MCTP2: variants seen among roughly 807,000 people sequenced by gnomAD.
MCTP2 encodes multiple C2 and transmembrane domain containing 2.
A neutral mutation model predicts 111.6 loss-of-function variants in MCTP2; 132 were observed. The observed-to-expected ratio is 1.18, with a 90% confidence interval of 1.03 to 1.37. MCTP2 has a LOEUF of 1.37. Among genes scored for constraint, MCTP2 ranks in the 40% most tolerant of loss-of-function variants. MCTP2 has a pLI of 0.00. For synonymous variants in MCTP2, 395 were observed against 387.7 expected (o/e 1.02, Z -0.22); for missense variants, 1,183 against 1,067.9 (o/e 1.11, Z -1.50).
chr15:94,472,047 G>C (rs1245209428), intron 21 of MCTP2, among the ~76,000 whole-genome samples: 2 of 152,192 alleles, frequency 1.3e-5, no homozygotes, highest in Non-Finnish European at 2.9e-5. Context: ...CCTGGTGCTT[G>C]CTTGGTCTGT....
chr15:94,240,443 C>A (rs1424447813), intron 1 of MCTP2, among the ~76,000 whole-genome samples: 1 of 152,132 alleles, frequency 6.6e-6, no homozygotes, highest in East Asian at 1.9e-4. Context: ...AATTATTTCA[C>A]CCCAAGACTT....
At chr15:94,253,280 C>T (rs2072559931) in intron 1 of MCTP2, among the ~76,000 whole-genome samples, 2 of 152,280 alleles carry the variant, frequency 1.3e-5, no homozygotes, top group South Asian at 4.1e-4. Context: ...TATAGTGTGT[C>T]TCAACTTTGA....
At chr15:94,268,571 C>A (rs75994855) in intron 1 of MCTP2, among the ~76,000 whole-genome samples, 222 of 152,196 alleles carry the variant, frequency 1.5e-3, no homozygotes, top group African/African-American at 5.2e-3. Context: ...CTTGTTTTCT[C>A]CCTTGGCTGG....
At chr15:94,350,785 T>C (rs781119079) in intron 8 of MCTP2, among the ~76,000 whole-genome samples, 1 of 152,208 alleles carries the variant, frequency 6.6e-6, no homozygotes, top group Non-Finnish European at 1.5e-5. Flanking sequence ...CTATTGCACA[T>C]GAGCCCAACA....
chr15:94,421,301 TTTGCTTCGTTG>T (rs1334147760), intron 17 of MCTP2, among the ~76,000 whole-genome samples: 1 of 152,184 alleles, frequency 6.6e-6, no homozygotes, highest in African/African-American at 2.4e-5. Context: ...TATTGTGATT[TTTGCTTCGTTG>T]TGGTTGTCTG....
intron 2 of MCTP2, among the ~76,000 whole-genome samples, chr15:94,311,279 G>A (rs561114812): frequency 1.3e-4 from 20 of 150,110 alleles, no homozygotes; most frequent in African/African-American, 5.0e-4. Flanking sequence ...CGCCCACCTT[G>A]GCCTCCCAAA....
intron 1 of MCTP2, among the ~76,000 whole-genome samples, chr15:94,284,855 G>C (rs529592299): frequency 6.6e-6 from 1 of 152,260 alleles, no homozygotes; most frequent in African/African-American, 2.4e-5. Flanking sequence ...ACACTAAAAG[G>C]CCTTTACAAC....
At chr15:94,362,607 C>G (rs188387202) in intron 10 of MCTP2, among the ~76,000 whole-genome samples, 1 of 152,218 alleles carries the variant, frequency 6.6e-6, no homozygotes, top group Non-Finnish European at 1.5e-5. Context: ...TTGACACATT[C>G]ACCATTTTCC....
intron 1 of MCTP2, among the ~76,000 whole-genome samples, chr15:94,261,607 TC>T (rs566214996): frequency 5.6e-4 from 86 of 152,338 alleles, no homozygotes; most frequent in African/African-American, 2.1e-3. Flanking sequence ...GTGTTTAGTT[TC>T]CCTCACACCA....
chr15:94,344,557 T>C (rs1057231972), intron 7 of MCTP2, among the ~76,000 whole-genome samples: 1 of 152,150 alleles, frequency 6.6e-6, no homozygotes, highest in Admixed American at 6.5e-5. Context: ...AAGAGAACAG[T>C]GGTGAAGTTT....
intron 19 of MCTP2, among the ~76,000 whole-genome samples, chr15:94,447,115 A>C (rs764888267): frequency 1.6e-4 from 24 of 152,204 alleles, no homozygotes; most frequent in Non-Finnish European, 3.1e-4. Context: ...TTGATTAGTC[A>C]GTCCCTTCCT....
intron 17 of MCTP2, among the ~76,000 whole-genome samples, chr15:94,408,870 G>T (rs553775433): frequency 4.6e-5 from 7 of 152,284 alleles, no homozygotes; most frequent in Admixed American, 1.3e-4. Context: ...AGATGTAAAT[G>T]GTTAGCTCCC....
At chr15:94,245,357 T>C (rs888615851) in intron 1 of MCTP2, among the ~76,000 whole-genome samples, 5 of 103,852 alleles carry the variant, frequency 4.8e-5, no homozygotes, top group Non-Finnish European at 8.3e-5. Flanking sequence ...CATACATATG[T>C]ATATATATTT....
chr15:94,385,783 A>G (rs1421522700), intron 14 of MCTP2, among the ~76,000 whole-genome samples: 1 of 152,216 alleles, frequency 6.6e-6, no homozygotes, highest in Non-Finnish European at 1.5e-5. Flanking sequence ...ATTCATTTTC[A>G]GTCTTCCCAA....
chr15:94,310,888 G>A, intron 2 of MCTP2, among the ~76,000 whole-genome samples: 1 of 151,758 alleles, frequency 6.6e-6, no homozygotes, highest in East Asian at 1.9e-4. Flanking sequence ...GCTGCAGTGA[G>A]CTATGAATAT....
intron 1 of MCTP2, among the ~76,000 whole-genome samples, chr15:94,270,660 C>T (rs991488325): frequency 3.3e-5 from 5 of 152,150 alleles, no homozygotes; most frequent in African/African-American, 7.2e-5. Context: ...TCTGCACTTG[C>T]TCTTTCTGCT....
chr15:94,240,145 G>C (rs1350450316), intron 1 of MCTP2, among the ~76,000 whole-genome samples: 1 of 151,946 alleles, frequency 6.6e-6, no homozygotes, highest in African/African-American at 2.4e-5. Context: ...TTTAGCTGCT[G>C]TATATTTTAT....
rs373069398 is a variant in MCTP2, at chr15:94,276,299, C to T, written c.-65-21902C>T. Among the ~76,000 whole-genome samples, 10 of 152,082 alleles carry T rather than the reference C, an allele frequency of 6.6e-5. No individual in the cohort carries two copies. In the East Asian group the frequency reaches 9.7e-4, roughly 15 times the overall value. ...AATTTTATGTTGGTATGTTTACAGT[C>T]CTAGATAAAAATCTATACTTTTCTA... On this transcript the variant is annotated intron_variant, in intron 1 of 22. Transcript: ENST00000357742.
At chr15:94,414,480 G>A (rs1374459536) in intron 17 of MCTP2, among the ~76,000 whole-genome samples, 3 of 152,080 alleles carry the variant, frequency 2.0e-5, no homozygotes, top group Admixed American at 1.3e-4. Flanking sequence ...AAAATACATC[G>A]TGGTAAGCAG....
Sources: gnomAD v4.1 joint callset for allele counts (sites outside exome capture counted in the v4.1 genomes callset) on GRCh38, gnomAD v4.1.1 for gene constraint, MANE v1.5 for transcripts, NCBI Gene and HGNC (gene_info 2026-07-23, HGNC 2026-07-21) for gene names.